The following TTLL10 variants were observed in gnomAD, a reference collection of about 807,000 sequenced individuals.
TTLL10 encodes the protein inactive polyglycylase TTLL10.
A neutral mutation model predicts 69.0 loss-of-function variants in TTLL10; 61 were observed. The observed-to-expected ratio is 0.88, with a 90% CI of 0.72 to 1.09. The LOEUF is 1.09. TTLL10 is among the 50% of genes least tolerant of loss of function. The pLI is 0.00. For synonymous variants in TTLL10, 408 were observed against 393.3 expected (o/e 1.04, Z -0.44); for missense variants, 962 against 945.9 (o/e 1.02, Z -0.22).
intron 13 of TTLL10, among the ~76,000 whole-genome samples, chr1:1,186,368 C>A (rs1254105968): frequency 6.6e-6 from 1 of 152,132 alleles, no homozygotes; most frequent in Non-Finnish European, 1.5e-5. Flanking sequence ...GGATTACAGG[C>A]GTGAGCCACT....
In TTLL10 at chr1:1,197,507, G is replaced by A. The variant is rs1029215200; in HGVS notation, c.1682G>A (p.Arg561His). 18 of 1,542,006 alleles carry A rather than the reference G, an allele frequency of 1.2e-5. No individual in the cohort carries two copies. The highest frequency in any genetic ancestry group is 1.7e-4 in the Middle Eastern group (1 of 5,950). The change falls in exon 16 of 16, where the codon CGC (arginine) becomes CAC (histidine). Residue 561 changes from arginine (R) to histidine (H), a missense_variant. Transcript: ENST00000379289. The part of the protein sequence containing the change: ...QKMLPLLSQR[R>H]FVLLHNGEAD... The stretch of plus-strand genomic sequence containing the variant: ...ATGTTGCCTCTGCTGTCCCAGCGCC[G>A]CTTCGTGCTCCTGCACAACGGTGAG...
At chr1:1,180,884 C>G (rs909250223) in intron 8 of TTLL10, 24 bp downstream of exon 8, 2 of 1,538,950 alleles carry the variant, frequency 1.3e-6, no homozygotes, top group African/African-American at 1.4e-5. Context: ...TGCCCCTGCC[C>G]CCGTCCCTGC....
chr1:1,194,710 G>C (rs770700143), intron 13 of TTLL10, among the ~76,000 whole-genome samples: 1 of 152,276 alleles, frequency 6.6e-6, no homozygotes, highest in East Asian at 1.9e-4. Flanking sequence ...CATACATAAC[G>C]AGCGGCTTCT....
At chr1:1,186,785 G>A (rs963360147) in intron 13 of TTLL10, among the ~76,000 whole-genome samples, 37 of 151,734 alleles carry the variant, frequency 2.4e-4, no homozygotes, top group Non-Finnish European at 1.5e-5. Context: ...TTAGAGAAAT[G>A]TCTATTCAAA....
At chr1:1,179,480 G>A (rs763155019) in intron 4 of TTLL10, 147 bp downstream of exon 4, 24 of 1,262,666 alleles carry the variant, frequency 1.9e-5, no homozygotes, top group African/African-American at 1.3e-4. Flanking sequence ...CCGAGAGAGG[G>A]GCCAGCTGTG....
intron 5 of TTLL10, 111 bp from the exon 6 acceptor site, chr1:1,179,923 G>T: frequency 4.2e-6 from 6 of 1,439,114 alleles, no homozygotes; most frequent in Non-Finnish European, 5.5e-6. Context: ...CGGGCCAGGG[G>T]GATTGTCCAG....
Position 1,182,898 on chromosome 1 carries a change from G to T in TTLL10, c.939G>T (p.Lys313Asn). ...CAGAAACCCAGATATGGATCTGCAA[G>T]CCCACAGCCTCCAACCAGGGCAAAG... ...LFDETQIWIC[K>N]PTASNQGKGI... The change falls in exon 11 of 16, where the codon AAG becomes AAT. Residue 313 changes from lysine (K) to asparagine (N), a missense_variant. By Grantham distance (94) the Lys-to-Asn change is moderately conservative (BLOSUM62 0). Transcript: ENST00000379289. 6.3e-7 allele frequency: 1 copy of T among 1,590,990 alleles called. No individual in the cohort carries two copies. The highest frequency in any genetic ancestry group is 1.1e-5 in the South Asian group (1 of 87,790).
At chr1:1,177,789 G>A (rs978708228) in intron 3 of TTLL10, among the ~76,000 whole-genome samples, 12 of 152,200 alleles carry the variant, frequency 7.9e-5, no homozygotes, top group Non-Finnish European at 1.5e-4. Flanking sequence ...AGTCTTGCAC[G>A]CACACACCTG....
At position 1,196,619 on chromosome 1, in the gene TTLL10, T is replaced by C; in HGVS notation, c.1421T>C (p.Met474Thr). ...TTLKKRMQQI[M>T]AHCFLAAKPK... ...CTGCAGAAGCGGATGCAGCAGATCA[T>C]GGCCCACTGCTTTCTGGCCGCCAAG... Residue 474 changes from methionine (M) to threonine (T), a missense_variant, in exon 14 of 16, where the codon ATG becomes ACG. Coordinates refer to ENST00000379289, the MANE Select transcript of TTLL10 (RefSeq NM_001130045.2). The C allele has an allele frequency of 6.4e-7, 1 of 1,551,706 alleles. No individual in the cohort carries two copies. The highest frequency in any genetic ancestry group is 8.7e-7 in the Non-Finnish European group (1 of 1,146,926).
Position 1,180,045 on chromosome 1 carries a change from G to A in TTLL10, c.211G>A (p.Glu71Lys), listed in dbSNP as rs558272914. 7.7e-6 allele frequency: 12 copies of A among 1,558,546 alleles called. No individual in the cohort carries two copies. The highest frequency in any genetic ancestry group is 4.1e-5 in the African/African-American group (3 of 73,852). Residue 71 changes from glutamate to lysine, a missense_variant, in exon 6 of 16, where the codon GAG becomes AAG. Transcript: ENST00000379289. ...PGHCPVGPAHERPMGSSQEEG... is the reference protein window; with the variant it reads ...PGHCPVGPAHKRPMGSSQEEG... ...CACCCCGTTCACAGGCCCGGCCCAC[G>A]AGAGGCCAATGGGGAGCAGCCAGGA...
chr1:1,192,720 G>GTTC (rs1647906662), intron 13 of TTLL10, among the ~76,000 whole-genome samples: 1 of 125,250 alleles, frequency 8.0e-6, no homozygotes, highest in Non-Finnish European at 1.6e-5. Flanking sequence ...CACTCCAGTT[G>GTTC]ATATCAGTGT....
chr1:1,183,103 A>G, intron 11 of TTLL10, 56 bp downstream of exon 11: 1 of 1,522,674 alleles, frequency 6.6e-7, no homozygotes, highest in Non-Finnish European at 8.8e-7. Flanking sequence ...CCCGGGCCCC[A>G]CTGGTGCAGT....
chr1:1,181,680 A>C lies in TTLL10; in HGVS notation c.756-61A>C. The C allele has an allele frequency of 2.0e-6, 3 of 1,487,466 alleles. No individual in the cohort carries two copies. The highest frequency in any genetic ancestry group is 1.8e-6 in the Non-Finnish European group (2 of 1,095,440). The allele number at this position is 1,487,466 out of a possible 1,614,324, so 92.1% of individuals were successfully genotyped here. On this transcript the variant is annotated intron_variant, in intron 8 of 15. Transcript: ENST00000379289. This position sits in a 1 kb window ranked among gnomAD's most constrained non-coding sequence, Gnocchi z 4.6. ...ACCCATGCCCCATCCCCCAGTCCCCACCCGCTCCAAGCACCATGAGCTGGC... is the reference window on the plus strand; with the variant it reads ...ACCCATGCCCCATCCCCCAGTCCCCCCCCGCTCCAAGCACCATGAGCTGGC...
In TTLL10 at chr1:1,181,688, C is replaced by A; in HGVS notation, c.756-53C>A. ...CCCATCCCCCAGTCCCCACCCGCTC[C>A]AAGCACCATGAGCTGGCCCCTCAGT... On this transcript the variant is annotated intron_variant, in intron 8 of 15. Coordinates refer to ENST00000379289, the MANE Select transcript of TTLL10 (RefSeq NM_001130045.2). This position sits in a 1 kb window ranked among gnomAD's most constrained non-coding sequence, Gnocchi z 4.6. The A allele has an allele frequency of 6.5e-7, 1 of 1,531,144 alleles. No individual in the cohort carries two copies. The highest frequency in any genetic ancestry group is 8.8e-7 in the Non-Finnish European group (1 of 1,130,446). The allele number at this position is 1,531,144 out of a possible 1,614,324, so 94.8% of individuals were successfully genotyped here.
At position 1,197,748 on chromosome 1, in the gene TTLL10, C is replaced by T; in HGVS notation, c.1923C>T (p.Gly641=). 1.3e-6 allele frequency: 2 copies of T among 1,535,408 alleles called. No individual in the cohort carries two copies. Among genetic ancestry groups the T allele is most frequent in the Non-Finnish European group, 1.7e-6 (2 of 1,142,990 alleles). The change falls in exon 16 of 16, where the codon GGC becomes GGT. Residue 641 remains glycine, a synonymous_variant. Coordinates refer to ENST00000379289, the MANE Select transcript of TTLL10 (RefSeq NM_001130045.2). The part of the protein sequence containing the change: ...SAHDGEPQAP[G]TEQSGTGNRH... ...ACGATGGGGAGCCCCAGGCCCCGGG[C>T]ACGGAGCAGTCGGGCACAGGCAACA...
intron 11 of TTLL10, 76 bp downstream of exon 11, chr1:1,183,123 C>T (rs1056688904): frequency 3.5e-5 from 52 of 1,474,812 alleles, no homozygotes; most frequent in Admixed American, 2.3e-4. Flanking sequence ...TCAGCAGGGC[C>T]GCCGAGGAGC....
intron 11 of TTLL10, 138 bp from the exon 12 acceptor site, chr1:1,183,782 C>T: frequency 8.9e-7 from 1 of 1,126,924 alleles, no homozygotes; most frequent in Non-Finnish European, 1.3e-6. Flanking sequence ...CCCAGAAATG[C>T]CCCCTTTCCC....
intron 1 of TTLL10, 142 bp downstream of exon 1, chr1:1,174,068 G>A (rs908849739): frequency 6.6e-6 from 1 of 152,342 alleles, no homozygotes; most frequent in Non-Finnish European, 1.5e-5. Context: ...GGTAGGGTGG[G>A]GCCAGGCTGA....
At chr1:1,184,608 G>A (rs899533650) in intron 12 of TTLL10, among the ~76,000 whole-genome samples, 3 of 152,156 alleles carry the variant, frequency 2.0e-5, no homozygotes, top group Non-Finnish European at 2.9e-5. Context: ...GGGTGGGGCC[G>A]GGGGAGCAAG....
Sources: allele counts gnomAD v4.1 joint callset (sites outside exome capture counted in the v4.1 genomes callset), GRCh38; gene constraint gnomAD v4.1.1; non-coding constraint Gnocchi (gnomAD v3.1); transcripts MANE v1.5; gene names NCBI Gene and HGNC (gene_info 2026-07-23, HGNC 2026-07-21).